Variants in HOOK2 observed in about 807,000 individuals in gnomAD.
The protein encoded by HOOK2 is protein Hook homolog 2.
Under a neutral mutation model 111.9 loss-of-function variants are expected in HOOK2, and 108 were observed. The observed-to-expected ratio is 0.96, with a 90% CI of 0.83 to 1.13. HOOK2 has a LOEUF of 1.13. Ranked by LOEUF, HOOK2 falls within the 50% of genes most tolerant of loss-of-function variation. The pLI is 0.00. For missense variants in HOOK2, 978 were observed against 951.3 expected, an observed-to-expected ratio of 1.03 and a Z score of -0.37; for synonymous variants, 405 against 394.3, an observed-to-expected ratio of 1.03 and a Z score of -0.32.
At chr19:12,769,790 G>A in intron 11 of HOOK2, 91 bp downstream of exon 11, 3 of 1,059,032 alleles carry the variant, frequency 2.8e-6, no homozygotes, top group Non-Finnish European at 3.8e-6. Flanking sequence ...ACAAATAAGG[G>A]AGGGGATCAG....
At chr19:12,773,080 G>A (rs767842060) in intron 3 of HOOK2, 36 bp from the exon 4 acceptor site, 1 of 1,602,898 alleles carries the variant, frequency 6.2e-7, no homozygotes, top group Non-Finnish European at 8.5e-7. Flanking sequence ...CAAGTTCAGA[G>A]GCCTCCCACT....
intron 3 of HOOK2, chr19:12,787,115 C>G (rs1263539262): frequency 6.5e-6 from 1 of 153,302 alleles, no homozygotes; most frequent in Non-Finnish European, 1.5e-5. Flanking sequence ...CTGCAGCGAG[C>G]TATGATTGTG....
chr19:12,780,714 C>T (rs1286851376), upstream of HOOK2, among the ~76,000 whole-genome samples: 1 of 121,592 alleles, frequency 8.2e-6, no homozygotes, highest in Non-Finnish European at 1.7e-5. Context: ...CACGGTGGCT[C>T]ACGCCTGTAA....
intron 3 of HOOK2, chr19:12,774,388 G>C (rs1374874967): frequency 3.9e-6 from 2 of 515,640 alleles, no homozygotes; most frequent in African/African-American, 3.8e-5. Flanking sequence ...TTACAGGCAT[G>C]AGCCACTGCG....
chr19:12,770,919 AC>A lies in HOOK2; in HGVS notation c.902+12del, dbSNP rs779066382. On this transcript the variant is annotated intron_variant, in intron 10 of 22. Transcript: ENST00000397668. ...CGCCCCCCGTGATGGGGACCCAGGAACCCACCACTCACCGTAGTTCATCCAT... is the reference window on the plus strand; with the variant it reads ...CGCCCCCCGTGATGGGGACCCAGGAACCACCACTCACCGTAGTTCATCCAT... 2.1e-5 allele frequency: 33 copies of A among 1,588,824 alleles called. No individual in the cohort carries two copies. The South Asian group carries it at 3.5e-4, about 17-fold the overall frequency.
At chr19:12,782,838 G>A (rs1029951556), upstream of HOOK2, among the ~76,000 whole-genome samples, 2 of 152,128 alleles carry the variant, frequency 1.3e-5, no homozygotes, top group Non-Finnish European at 2.9e-5. Context: ...AGCGCCTGAC[G>A]GGAGGGCAGT....
intron 20 of HOOK2, chr19:12,764,552 A>C (rs58254327): frequency 0.038 from 17,346 of 454,304 alleles, 407 homozygotes; most frequent in Admixed American, 0.05. Flanking sequence ...CTGGTCTCAA[A>C]CTCCTGACCT....
At position 12,769,928 on chromosome 19, in the gene HOOK2, G is replaced by A. The variant is rs747052278; in HGVS notation, c.1057C>T (p.Arg353Cys). The change falls in exon 11 of 23, where the codon CGC becomes TGC. Residue 353 changes from arginine (R) to cysteine (C), a missense_variant. Transcript: ENST00000397668. ...TGGGCGCGCAGGGAGCCCGCTCGGC[G>A]TAGCTCATCCTCCAGTTGTCGCGTG... ...ERTRQLEDEL[R>C]RAGSLRAQLE... 6.4e-6 allele frequency: 10 copies of A among 1,552,634 alleles called. No individual in the cohort carries two copies. The highest frequency in any genetic ancestry group is 4.1e-5 in the African/African-American group (3 of 72,846).
rs905317193 is a variant in HOOK2, at chr19:12,791,641, C to A, written n.42-17416G>T. ...ACAGCTGCCGGCTGGCTGCTACCCG[C>A]CCGCGCCAGCCCCCGAGAACGCGCG... On this transcript the variant is annotated intron_variant and non_coding_transcript_variant, in intron 3 of 3. Coordinates refer to the HOOK2 transcript ENST00000589765. This position sits in a 1 kb window ranked among gnomAD's most constrained non-coding sequence, Gnocchi z 7.0. The A allele has an allele frequency of 4.8e-6, 3 of 623,766 alleles. No individual in the cohort carries two copies. Among genetic ancestry groups the A allele is most frequent in the Non-Finnish European group, 7.8e-6 (3 of 386,362 alleles). 38.6% of individuals were successfully genotyped at this position (623,766 alleles called of 1,614,324 possible). A position where few individuals can be genotyped will look rare whatever the true frequency, so the allele number is the denominator to read the frequency against.
chr19:12,772,443 A>G (rs969790249), intron 6 of HOOK2, among the ~76,000 whole-genome samples, 170 bp downstream of exon 6: 18 of 152,194 alleles, frequency 1.2e-4, no homozygotes, highest in African/African-American at 4.3e-4. Context: ...CTAGATTGCG[A>G]CTTAGAGCTG....
In HOOK2 at chr19:12,770,797, G is replaced by C. The variant is rs1272296850; in HGVS notation, c.902+135C>G. 1.2e-5 allele frequency: 13 copies of C among 1,080,578 alleles called. No homozygotes were observed. In the Admixed American group the frequency reaches 3.2e-4, roughly 27 times the overall value. 66.9% of individuals were successfully genotyped at this position (1,080,578 alleles called of 1,614,324 possible). A position where few individuals can be genotyped will look rare whatever the true frequency, so the allele number is the denominator to read the frequency against. On this transcript the variant is annotated intron_variant, in intron 10 of 22. Transcript: ENST00000397668. ...GTTCTGTAGGGCTCAGGGTGGCACT[G>C]TGGAGTCCAGGGGGCATATTGGGGG... is the stretch of plus-strand genomic sequence containing the variant.
chr19:12,789,608 G>A (rs1318468162), intron 3 of HOOK2, among the ~76,000 whole-genome samples: 4 of 151,998 alleles, frequency 2.6e-5, no homozygotes, highest in Non-Finnish European at 5.9e-5. Flanking sequence ...GGAGGCAGCC[G>A]CCGTTCCAGC....
chr19:12,782,652 C>G (rs1968616093), upstream of HOOK2, among the ~76,000 whole-genome samples: 1 of 152,052 alleles, frequency 6.6e-6, no homozygotes, highest in Non-Finnish European at 1.5e-5. Context: ...TGGCTGCGTG[C>G]GCGCGTGCGT....
At chr19:12,789,955 T>A (rs1361071818) in intron 3 of HOOK2, among the ~76,000 whole-genome samples, 4 of 152,024 alleles carry the variant, frequency 2.6e-5, no homozygotes, top group African/African-American at 9.7e-5. Context: ...TGCCCTAATA[T>A]GGGCGGCGGG....
intron 3 of HOOK2, among the ~76,000 whole-genome samples, chr19:12,789,036 G>A (rs7258279): frequency 0.12 from 17,953 of 152,050 alleles, 2,368 homozygotes; most frequent in African/African-American, 0.33. Context: ...CGCCTCTTTC[G>A]TTTTCCTTCT....
At chr19:12,779,748 G>A (rs1968578977), upstream of HOOK2, among the ~76,000 whole-genome samples, 1 of 151,896 alleles carries the variant, frequency 6.6e-6, no homozygotes, top group Non-Finnish European at 1.5e-5. Flanking sequence ...TAAGGCCTTC[G>A]AGTTTGTGCA....
chr19:12,783,234 C>A (rs1968624669), upstream of HOOK2, among the ~76,000 whole-genome samples: 1 of 152,086 alleles, frequency 6.6e-6, no homozygotes, highest in Non-Finnish European at 1.5e-5. Context: ...GGGGACTTCG[C>A]TCTCCGCGGG....
In HOOK2 at chr19:12,766,444, G is replaced by A. The variant is rs1968150263; in HGVS notation, c.1374-204C>T. ...GACGGAGCTCTAAGCTGGGATAGTG[G>A]GTGGGGCTAGGCAGGGGCGGAGCTA... On this transcript the variant is annotated intron_variant, in intron 14 of 22. Coordinates refer to ENST00000397668, the MANE Select transcript of HOOK2 (RefSeq NM_013312.3). The A allele has an allele frequency of 1.9e-5, 11 of 589,372 alleles. No homozygotes were observed. In the South Asian group the frequency reaches 2.8e-4, roughly 15 times the overall value. The allele number at this position is 589,372 out of a possible 1,614,324, so 36.5% of individuals were successfully genotyped here. A position where few individuals can be genotyped will look rare whatever the true frequency, so the allele number is the denominator to read the frequency against.
chr19:12,781,841 G>C (rs1868506055), upstream of HOOK2, among the ~76,000 whole-genome samples: 1 of 144,764 alleles, frequency 6.9e-6, no homozygotes, highest in East Asian at 2.0e-4. Flanking sequence ...CCCTGTTCCT[G>C]TTTTTTTTTT....
Sources: allele counts gnomAD v4.1 joint callset (sites outside exome capture counted in the v4.1 genomes callset), GRCh38; gene constraint gnomAD v4.1.1; non-coding constraint Gnocchi (gnomAD v3.1); transcripts MANE v1.5; gene names NCBI Gene and HGNC (gene_info 2026-07-23, HGNC 2026-07-21).